DMD: variants seen among roughly 807,000 people sequenced by gnomAD.
The protein encoded by DMD is dystrophin, also known as mutant dystrophin.
In DMD, 63 loss-of-function variants were observed where a neutral mutation model predicts 330.1. That is an observed-to-expected ratio of 0.19 (90% CI 0.16 to 0.24). DMD has a LOEUF of 0.24. DMD is among the 10% of genes least tolerant of loss of function. The pLI, the probability that DMD is intolerant of heterozygous loss-of-function variation, is 1.00. For missense variants in DMD, 3,344 were observed against 2,684.1 expected (o/e 1.25, Z -5.43); for synonymous variants, 1,223 against 959.8 (o/e 1.27, Z -5.07).
At chrX:32,507,505 A>T (rs1444682571) in intron 18 of DMD, among the ~76,000 whole-genome samples, 2 of 111,816 alleles carry the variant, frequency 1.8e-5, no homozygotes, top group Non-Finnish European at 3.8e-5. Flanking sequence ...CTTATATTTG[A>T]ATATCTCAGG....
intron 60 of DMD, among the ~76,000 whole-genome samples, chrX:31,372,749 C>T (rs1006763086): frequency 1.3e-4 from 15 of 111,115 alleles, no homozygotes; most frequent in Non-Finnish European, 1.7e-4. Flanking sequence ...AGCATTCCCT[C>T]TGAAAACTGG....
At chrX:31,386,308 T>C (rs2060443050) in intron 60 of DMD, among the ~76,000 whole-genome samples, 1 of 111,136 alleles carries the variant, frequency 9.0e-6, no homozygotes, top group Non-Finnish European at 1.9e-5. Flanking sequence ...CACACCAACA[T>C]GGCACATGTA....
At chrX:32,839,921 G>C (rs981376114) in intron 4 of DMD, among the ~76,000 whole-genome samples, 5 of 111,236 alleles carry the variant, frequency 4.5e-5, no homozygotes, top group African/African-American at 1.6e-4. Context: ...ATGTTGGCCA[G>C]GATGGTCTCA....
At chrX:32,076,573 G>T (rs1349223601) in intron 44 of DMD, among the ~76,000 whole-genome samples, 5 of 109,697 alleles carry the variant, frequency 4.6e-5, no homozygotes, top group African/African-American at 1.7e-4. Context: ...TAGAGATGGG[G>T]TTTCACCGTG....
chrX:31,252,448 A>T (rs1477842504), intron 63 of DMD, among the ~76,000 whole-genome samples: 1 of 111,941 alleles, frequency 8.9e-6, no homozygotes, highest in Admixed American at 9.5e-5. Context: ...AGTGAGTATA[A>T]ATCAAATCAA....
chrX:33,218,532 CT>C (rs201102598), intron 1 of DMD, among the ~76,000 whole-genome samples: 1,292 of 108,968 alleles, frequency 0.012, 24 homozygotes, highest in African/African-American at 0.042. Context: ...GTTTTTAAGA[CT>C]TTTTTTAAAA....
At chrX:32,100,282 C>A (rs2096533331) in intron 44 of DMD, among the ~76,000 whole-genome samples, 1 of 109,134 alleles carries the variant, frequency 9.2e-6, no homozygotes, top group African/African-American at 3.3e-5. Context: ...AACTTTCTTC[C>A]TCATTTAACT....
At chrX:33,211,075 C>T (rs1450911324) in intron 1 of DMD, among the ~76,000 whole-genome samples, 1 of 111,530 alleles carries the variant, frequency 9.0e-6, no homozygotes, top group African/African-American at 3.3e-5. Context: ...CAAAGAAAAA[C>T]TTTTACACTC....
intron 44 of DMD, among the ~76,000 whole-genome samples, chrX:32,186,452 C>T (rs1341876902): frequency 2.7e-5 from 3 of 111,452 alleles, no homozygotes; most frequent in Non-Finnish European, 5.7e-5. Context: ...TAAAGATCAA[C>T]AATTAACTTT....
chrX:31,535,988 T>C (rs753320276), intron 55 of DMD, among the ~76,000 whole-genome samples: 39 of 112,145 alleles, frequency 3.5e-4, no homozygotes, highest in Admixed American at 1.2e-3. Flanking sequence ...ATTTAACACC[T>C]AGAAAATCAG....
At chrX:31,548,558 CTTT>C (rs754058241) in intron 55 of DMD, among the ~76,000 whole-genome samples, 7 of 95,427 alleles carry the variant, frequency 7.3e-5, no homozygotes, top group Admixed American at 2.3e-4. Context: ...TTTTCTTTTT[CTTT>C]TTTTTTTTTT....
chrX:32,028,390 G>A (rs933110739), intron 44 of DMD, among the ~76,000 whole-genome samples: 2 of 111,223 alleles, frequency 1.8e-5, no homozygotes, highest in Non-Finnish European at 3.8e-5. Flanking sequence ...TTGGAATCAC[G>A]GAATGGATGA....
At chrX:31,145,604 C>G (rs1412169218) in intron 76 of DMD, among the ~76,000 whole-genome samples, 1 of 109,818 alleles carries the variant, frequency 9.1e-6, no homozygotes, top group African/African-American at 3.3e-5. Flanking sequence ...CAACCAAATC[C>G]TCTCCCTTCA....
intron 19 of DMD, among the ~76,000 whole-genome samples, chrX:32,497,851 GT>G (rs1196871362): frequency 1.8e-5 from 2 of 111,523 alleles, no homozygotes; most frequent in Non-Finnish European, 3.8e-5. Context: ...AAAGGCATCA[GT>G]TTAAAGACTG....
chrX:32,474,013 T>G (rs2040936533), intron 21 of DMD, among the ~76,000 whole-genome samples: 1 of 110,214 alleles, frequency 9.1e-6, no homozygotes, highest in Admixed American at 9.8e-5. Context: ...CAAAGTCCAT[T>G]ATATCATTCT....
chrX:31,334,980 A>T (rs1027719923), intron 61 of DMD, among the ~76,000 whole-genome samples: 1 of 111,539 alleles, frequency 9.0e-6, no homozygotes, highest in Non-Finnish European at 1.9e-5. Context: ...ACTTCCTCAC[A>T]TCTCTACTGA....
At chrX:32,831,649 CGTGTGT>C (rs6151283) in intron 4 of DMD, among the ~76,000 whole-genome samples, 12,354 of 89,440 alleles carry the variant, frequency 0.14, 870 homozygotes, top group East Asian at 0.25. Flanking sequence ...AAGATATTTA[CGTGTGT>C]GTGTGTGTGT....
At chrX:32,044,254 ATTGTGGCTC>A (rs2096038250) in intron 44 of DMD, among the ~76,000 whole-genome samples, 1 of 110,562 alleles carries the variant, frequency 9.0e-6, no homozygotes, top group African/African-American at 3.3e-5. Context: ...TAATCAGAAA[ATTGTGGCTC>A]ATGAGAAGTT....
At chrX:31,971,119 T>C (rs1352097135) in intron 44 of DMD, among the ~76,000 whole-genome samples, 1 of 112,128 alleles carries the variant, frequency 8.9e-6, no homozygotes, top group Non-Finnish European at 1.9e-5. Flanking sequence ...CTGCATTTCC[T>C]ACAAACTTCA....
Sources: allele counts gnomAD v4.1 joint callset (sites outside exome capture counted in the v4.1 genomes callset), GRCh38; gene constraint gnomAD v4.1.1; transcripts MANE v1.5; gene names NCBI Gene and HGNC (gene_info 2026-07-23, HGNC 2026-07-21).